The following LNX1 variants were observed in gnomAD, a reference collection of about 807,000 sequenced individuals.
The protein encoded by LNX1 is ligand of numb-protein X 1.
A neutral mutation model predicts 68.4 loss-of-function variants in LNX1; 54 were observed. The observed-to-expected ratio is 0.79, with a 90% CI of 0.63 to 0.99. The LOEUF is 0.99. Ranked by LOEUF, LNX1 falls within the 50% of genes least tolerant of loss-of-function variation. The probability of loss-of-function intolerance (pLI) is 0.00; values close to 1 mark genes in which losing one functional copy is unlikely to be tolerated. For synonymous variants in LNX1, 336 were observed against 350.0 expected (o/e 0.96, Z 0.45); for missense variants, 906 against 926.4 (o/e 0.98, Z 0.29).
chr4:53,491,201 C>T (rs946703683), intron 6 of LNX1, among the ~76,000 whole-genome samples: 2 of 151,752 alleles, frequency 1.3e-5, no homozygotes, highest in Non-Finnish European at 1.5e-5. Context: ...ACCGATTGAC[C>T]TGCAGAGGGA....
intron 6 of LNX1, among the ~76,000 whole-genome samples, chr4:53,491,792 C>T (rs74393931): frequency 1.6e-5 from 1 of 62,244 alleles, no homozygotes; most frequent in Non-Finnish European, 4.5e-5. Flanking sequence ...GGATACGATA[C>T]TTTTTTTTGT....
chr4:53,603,332 A>T (rs1180179235), intron 2 of LNX1, among the ~76,000 whole-genome samples: 1 of 152,150 alleles, frequency 6.6e-6, no homozygotes, highest in East Asian at 1.9e-4. Context: ...AAACACACAA[A>T]TGGACAAAAT....
chr4:53,627,589 A>G (rs190346505), intron 1 of LNX1, among the ~76,000 whole-genome samples: 38 of 152,352 alleles, frequency 2.5e-4, no homozygotes, highest in Admixed American at 2.0e-3. Flanking sequence ...CTGTCAAATG[A>G]AAGAAAAGAA....
chr4:53,523,558 A>T (rs1218717031), intron 2 of LNX1, among the ~76,000 whole-genome samples: 2 of 152,214 alleles, frequency 1.3e-5, no homozygotes, highest in Admixed American at 1.3e-4. Context: ...AAGTGCTAGG[A>T]TTACATGCGT....
At chr4:53,486,773 T>C (rs574183746) in intron 6 of LNX1, among the ~76,000 whole-genome samples, 75 of 152,238 alleles carry the variant, frequency 4.9e-4, no homozygotes, top group Admixed American at 9.2e-4. Flanking sequence ...TGCTTTTCTC[T>C]GTTGAGATTT....
chr4:53,574,024 ACAGGAAACT>A lies in LNX1; in HGVS notation c.-31_-23del. 3.2e-6 allele frequency: 5 copies of A among 1,586,838 alleles called. No homozygotes were observed. The highest frequency in any genetic ancestry group is 4.3e-6 in the Non-Finnish European group (5 of 1,165,112). The stretch of plus-strand genomic sequence containing the variant: ...TCATGATGGATTGGAGAGCAGTATA[ACAGGAAACT>A]CAGTCACACAATATTTCCTCAGGAG... On this transcript the variant is annotated 5_prime_UTR_variant, in exon 2 of 11. Coordinates refer to ENST00000263925, the MANE Select transcript of LNX1 (RefSeq NM_001126328.3).
chr4:53,522,358 CTGAAG>C, intron 2 of LNX1, among the ~76,000 whole-genome samples: 1 of 152,262 alleles, frequency 6.6e-6, no homozygotes, highest in East Asian at 1.9e-4. Flanking sequence ...TCCACAAATA[CTGAAG>C]TGATTACTAA....
chr4:53,625,844 C>CGTGTGTGTGTGT (rs59366709), intron 1 of LNX1, among the ~76,000 whole-genome samples: 207 of 144,254 alleles, frequency 1.4e-3, no homozygotes, highest in Non-Finnish European at 2.3e-3. Context: ...AATTCCACCC[C>CGTGTGTGTGTGT]GTGTGTGTGT....
At chr4:53,478,935 T>C (rs1215181985) in intron 7 of LNX1, among the ~76,000 whole-genome samples, 193 bp from the exon 8 acceptor site, 1 of 152,202 alleles carries the variant, frequency 6.6e-6, no homozygotes, top group Non-Finnish European at 1.5e-5. Flanking sequence ...ACCCTCACCT[T>C]ATCCACTCCC....
Position 53,496,313 on chromosome 4 carries a change from T to A in LNX1, c.1060A>T (p.Thr354Ser). 7 of 1,614,150 alleles carry A rather than the reference T, an allele frequency of 4.3e-6. No homozygotes were observed. The highest frequency in any genetic ancestry group is 5.9e-6 in the Non-Finnish European group (7 of 1,180,016). ...CGGAACTTCTGTTCACGCATCACAG[T>A]CAGCCACAGCACCTGGCAGGGCTGC... ...LRQPCQVLWL[T>S]VMREQKFRSR... Residue 354 changes from threonine (T) to serine (S), a missense_variant, in exon 6 of 11, where the codon ACT becomes TCT. Thr to Ser is a moderately conservative substitution (Grantham distance 58, BLOSUM62 1). Coordinates refer to ENST00000263925, the MANE Select transcript of LNX1 (RefSeq NM_001126328.3).
intron 2 of LNX1, among the ~76,000 whole-genome samples, chr4:53,539,547 C>T (rs1186473953): frequency 2.0e-5 from 3 of 152,092 alleles, no homozygotes; most frequent in Non-Finnish European, 4.4e-5. Context: ...TTTAGTTTCT[C>T]CTTTAAATGA....
Position 53,478,655 on chromosome 4 carries a change from C to T in LNX1, c.1573G>A (p.Gly525Arg). Reference sequence around the variant, plus strand: ...AAATCCCATTCTCTATGTGATGCTCCCCCTGCGACGGTCATGCCGAGAGAT... The same window carrying T: ...AAATCCCATTCTCTATGTGATGCTCTCCCTGCGACGGTCATGCCGAGAGAT... ...GESLGMTVAG[G>R]ASHREWDLPI... The change falls in exon 8 of 11, where the codon GGA becomes AGA. Residue 525 changes from glycine to arginine, a missense_variant. Physicochemically the swap from Gly to Arg is moderately radical, Grantham distance 125 (BLOSUM62 -2). Transcript: ENST00000263925. The T allele has an allele frequency of 4.3e-6, 7 of 1,614,048 alleles. No individual in the cohort carries two copies. Among genetic ancestry groups the T allele is most frequent in the Non-Finnish European group, 5.9e-6 (7 of 1,179,994 alleles).
upstream of LNX1, among the ~76,000 whole-genome samples, chr4:53,619,021 G>T (rs1363800566): frequency 6.6e-6 from 1 of 152,098 alleles, no homozygotes; most frequent in Admixed American, 6.6e-5. Context: ...AAAGTGCTGG[G>T]ATTACAGGTG....
At chr4:53,503,434 A>G (rs930155105) in intron 4 of LNX1, among the ~76,000 whole-genome samples, 7 of 152,256 alleles carry the variant, frequency 4.6e-5, no homozygotes, top group African/African-American at 1.4e-4. Flanking sequence ...ATCAGGCATG[A>G]AAACATCATT....
chr4:53,594,249 A>G (rs576444941), upstream of LNX1: 1 of 151,982 alleles, frequency 6.6e-6, no homozygotes, highest in Non-Finnish European at 1.5e-5. Flanking sequence ...CACACTTGAA[A>G]TCATCTTTTG....
chr4:53,521,643 C>T (rs1727229415), intron 2 of LNX1, among the ~76,000 whole-genome samples: 1 of 152,176 alleles, frequency 6.6e-6, no homozygotes, highest in Non-Finnish European at 1.5e-5. Flanking sequence ...TTAAAAGAAA[C>T]AACCTTACTC....
At chr4:53,504,741 G>T (rs191784094) in intron 4 of LNX1, among the ~76,000 whole-genome samples, 36 of 152,272 alleles carry the variant, frequency 2.4e-4, no homozygotes, top group African/African-American at 5.8e-4. Context: ...CTATTGTAGG[G>T]TTACTAATTG....
intron 2 of LNX1, among the ~76,000 whole-genome samples, chr4:53,513,365 A>C (rs1261903116): frequency 6.6e-6 from 1 of 152,104 alleles, no homozygotes; most frequent in African/African-American, 2.4e-5. Flanking sequence ...AGAAGGGAGA[A>C]ATGCCTTGTC....
At chr4:53,601,522 C>G (rs530131730) in intron 2 of LNX1, among the ~76,000 whole-genome samples, 3 of 152,188 alleles carry the variant, frequency 2.0e-5, no homozygotes, top group African/African-American at 4.8e-5. Flanking sequence ...CAACACTGTT[C>G]GCGTTCTGGC....
Sources: allele counts gnomAD v4.1 joint callset (sites outside exome capture counted in the v4.1 genomes callset), GRCh38; gene constraint gnomAD v4.1.1; transcripts MANE v1.5; gene names NCBI Gene and HGNC (gene_info 2026-07-23, HGNC 2026-07-21).